SLIT3: variants seen among roughly 807,000 people sequenced by gnomAD.
SLIT3 encodes the protein slit homolog 3 protein.
Under a neutral mutation model 184.0 loss-of-function variants are expected in SLIT3, and 68 were observed. The observed-to-expected ratio is 0.37, with a 90% CI of 0.30 to 0.45. The LOEUF (loss-of-function observed/expected upper bound fraction) is 0.45, where lower values mean the gene tolerates loss of function less well. Among genes scored for constraint, SLIT3 ranks in the 20% least tolerant of loss-of-function variants. The probability of loss-of-function intolerance (pLI) is 1.00; values close to 1 mark genes in which losing one functional copy is unlikely to be tolerated. For missense variants in SLIT3, 1,707 were observed against 2,026.0 expected (o/e 0.84, Z 3.02); for synonymous variants, 831 against 828.6 (o/e 1.00, Z -0.05).
At chr5:168,723,807 C>A (rs1432517999) in intron 21 of SLIT3, among the ~76,000 whole-genome samples, 1 of 152,068 alleles carries the variant, frequency 6.6e-6, no homozygotes, top group Non-Finnish European at 1.5e-5. Context: ...GTTCCATGCC[C>A]AGGTATTCTG....
At chr5:169,176,938 T>A (rs988051777) in intron 4 of SLIT3, among the ~76,000 whole-genome samples, 1 of 152,158 alleles carries the variant, frequency 6.6e-6, no homozygotes, top group African/African-American at 2.4e-5. Context: ...GCAGAGCCCA[T>A]GAAAGCCACT....
chr5:169,176,130 C>G (rs1762976512), intron 4 of SLIT3, among the ~76,000 whole-genome samples: 1 of 152,154 alleles, frequency 6.6e-6, no homozygotes, highest in Non-Finnish European at 1.5e-5. Flanking sequence ...TGAAGGAAAC[C>G]AAGTCCTCCA....
chr5:168,764,100 GGCTGTTGTGCA>G (rs1755249877), intron 14 of SLIT3, among the ~76,000 whole-genome samples: 1 of 152,158 alleles, frequency 6.6e-6, no homozygotes, highest in African/African-American at 2.4e-5. Context: ...ATCTTCCAGG[GGCTGTTGTGCA>G]GATGAAAGTA....
intron 26 of SLIT3, chr5:168,707,158 T>G (rs1229242365): frequency 6.6e-6 from 1 of 152,230 alleles, no homozygotes; most frequent in Non-Finnish European, 1.5e-5. Flanking sequence ...CTCTACTGCT[T>G]ACAAGCTTCG....
chr5:169,169,392 G>A (rs1194167283), intron 4 of SLIT3, among the ~76,000 whole-genome samples: 1 of 152,138 alleles, frequency 6.6e-6, no homozygotes, highest in Non-Finnish European at 1.5e-5. Context: ...ATCATTACAT[G>A]GCTTGTCTAC....
At chr5:168,901,288 T>TG (rs1760864437) in intron 4 of SLIT3, among the ~76,000 whole-genome samples, 1 of 151,988 alleles carries the variant, frequency 6.6e-6, no homozygotes, top group Non-Finnish European at 1.5e-5. Flanking sequence ...GACGTGAACC[T>TG]GGGGGGCGGA....
chr5:169,229,692 G>A (rs936003565), intron 3 of SLIT3, among the ~76,000 whole-genome samples: 5 of 151,062 alleles, frequency 3.3e-5, no homozygotes, highest in African/African-American at 7.3e-5. Flanking sequence ...CTCTTGGGCC[G>A]TGATGATGAT....
chr5:168,692,518 G>T (rs1013321211), intron 29 of SLIT3, 89 bp downstream of exon 29: 8 of 782,404 alleles, frequency 1.0e-5, no homozygotes, highest in African/African-American at 1.0e-4. Flanking sequence ...GAGAGAGCAT[G>T]CAGAGAGACC....
At chr5:168,777,078 CA>C (rs1755780138) in intron 12 of SLIT3, among the ~76,000 whole-genome samples, 5 of 35,964 alleles carry the variant, frequency 1.4e-4, no homozygotes, top group Non-Finnish European at 2.4e-4. Flanking sequence ...CACACACACA[CA>C]CACACACACA....
chr5:169,022,305 T>C (rs1456101539), intron 4 of SLIT3: 10 of 152,234 alleles, frequency 6.6e-5, no homozygotes, highest in Admixed American at 5.2e-4. Flanking sequence ...GGTTATTTCA[T>C]TGGACACCAA....
intron 4 of SLIT3, among the ~76,000 whole-genome samples, chr5:168,946,513 C>T (rs1033115047): frequency 6.6e-6 from 1 of 152,228 alleles, no homozygotes; most frequent in African/African-American, 2.4e-5. Flanking sequence ...CTCATGGTCC[C>T]ATAGTGTTCC....
intron 4 of SLIT3, among the ~76,000 whole-genome samples, chr5:169,006,118 C>T (rs1026104797): frequency 1.3e-5 from 2 of 152,174 alleles, no homozygotes; most frequent in Non-Finnish European, 2.9e-5. Flanking sequence ...AGAAAAAAAT[C>T]ATCCTACCAA....
chr5:168,916,956 C>T (rs569434052), intron 4 of SLIT3, among the ~76,000 whole-genome samples: 8 of 152,226 alleles, frequency 5.3e-5, no homozygotes, highest in South Asian at 2.1e-4. Flanking sequence ...TTGATAGCGG[C>T]GTCTCTCCCT....
At chr5:169,062,085 G>A (rs1758190365) in intron 4 of SLIT3, among the ~76,000 whole-genome samples, 3 of 152,300 alleles carry the variant, frequency 2.0e-5, no homozygotes, top group Admixed American at 1.3e-4. Flanking sequence ...TCGGGAGGCT[G>A]AGACAGGAGA....
At chr5:169,259,945 A>G (rs1386009473) in intron 1 of SLIT3, among the ~76,000 whole-genome samples, 2 of 152,172 alleles carry the variant, frequency 1.3e-5, no homozygotes, top group East Asian at 3.9e-4. Flanking sequence ...TGGTCTAAAC[A>G]CCAAGGGGAG....
At chr5:168,724,571 G>A (rs1398140585) in intron 20 of SLIT3, 87 bp from the exon 21 acceptor site, 4 of 1,055,312 alleles carry the variant, frequency 3.8e-6, no homozygotes, top group Non-Finnish European at 4.2e-6. Context: ...GACTTTCCAG[G>A]CTGGATTAGG....
At chr5:168,955,279 TGAAAA>T (rs1180222502) in intron 4 of SLIT3, among the ~76,000 whole-genome samples, 1 of 152,228 alleles carries the variant, frequency 6.6e-6, no homozygotes, top group Non-Finnish European at 1.5e-5. Flanking sequence ...GTGGCATTTT[TGAAAA>T]GAAAATTATT....
intron 16 of SLIT3, among the ~76,000 whole-genome samples, chr5:168,757,034 G>A (rs1312912681): frequency 6.6e-6 from 1 of 152,208 alleles, no homozygotes; most frequent in Non-Finnish European, 1.5e-5. Context: ...ATCCATCAAA[G>A]CACTGCTCGC....
chr5:169,300,885 G>T lies in SLIT3; in HGVS notation c.-176C>A. On this transcript the variant is annotated 5_prime_UTR_variant, in exon 1 of 36. Coordinates refer to ENST00000519560, the MANE Select transcript of SLIT3 (RefSeq NM_003062.4). This position sits in a 1 kb window ranked among gnomAD's most constrained non-coding sequence, Gnocchi z 4.1. ...GCGCGGGCGGAGCGGGGCGCTCCGG[G>T]CGGCGGCGGCGGCAGCAACAGCAGC... is the stretch of plus-strand genomic sequence containing the variant. The T allele has an allele frequency of 2.6e-6, 1 of 390,574 alleles. No homozygotes were observed. Among genetic ancestry groups the T allele is most frequent in the Non-Finnish European group, 4.0e-6 (1 of 248,626 alleles). 24.2% of individuals were successfully genotyped at this position (390,574 alleles called of 1,614,324 possible). A position where few individuals can be genotyped will look rare whatever the true frequency, so the allele number is the denominator to read the frequency against.
Sources: allele counts gnomAD v4.1 joint callset (sites outside exome capture counted in the v4.1 genomes callset), GRCh38; gene constraint gnomAD v4.1.1; non-coding constraint Gnocchi (gnomAD v3.1); transcripts MANE v1.5; gene names NCBI Gene and HGNC (gene_info 2026-07-23, HGNC 2026-07-21).